Variants in PDE3A observed in about 807,000 individuals in gnomAD.
The protein encoded by PDE3A is phosphodiesterase 3A, also known as cGMP-inhibited 3',5'-cyclic phosphodiesterase 3A.
In PDE3A, 43 loss-of-function variants were observed where a neutral mutation model predicts 98.3. That is an observed-to-expected ratio of 0.44 (90% CI 0.34 to 0.56). The LOEUF (loss-of-function observed/expected upper bound fraction) is 0.56, where lower values mean the gene tolerates loss of function less well. Among genes scored for constraint, PDE3A ranks in the 20% least tolerant of loss-of-function variants. PDE3A has a pLI of 0.01. For missense variants in PDE3A, 1,427 were observed against 1,440.7 expected, an observed-to-expected ratio of 0.99 and a Z score of 0.15; for synonymous variants, 663 against 567.9, an observed-to-expected ratio of 1.17 and a Z score of -2.38.
intron 1 of PDE3A, among the ~76,000 whole-genome samples, chr12:20,401,660 T>G (rs1436894788): frequency 6.6e-6 from 1 of 152,204 alleles, no homozygotes; most frequent in East Asian, 1.9e-4. Flanking sequence ...CGATGTGTTT[T>G]CTGATCATCC....
Position 20,680,105 on chromosome 12 carries a change from A to G in PDE3A, c.3260A>G (p.Lys1087Arg), listed in dbSNP as rs1945738142. 6.2e-7 allele frequency: 1 copy of G among 1,613,190 alleles called. No individual in the cohort carries two copies. The highest frequency in any genetic ancestry group is 1.1e-5 in the South Asian group (1 of 91,072). ...QHLLQNHKMW[K>R]KVIEEEQRLA... Reference sequence around the variant, plus strand: ...CTCTTACAGAACCACAAGATGTGGAAGAAAGTCATTGAAGAGGAGCAACGG... The same window carrying G: ...CTCTTACAGAACCACAAGATGTGGAGGAAAGTCATTGAAGAGGAGCAACGG... The change falls in exon 16 of 16, where the codon AAG becomes AGG. Residue 1087 changes from lysine (K) to arginine (R), a missense_variant. Around this residue, in one of 3 missense-constraint regions of PDE3A, gnomAD observed 142 missense variants for 133.9 expected, o/e 1.06. Coordinates refer to ENST00000359062, the MANE Select transcript of PDE3A (RefSeq NM_000921.5).
intron 1 of PDE3A, among the ~76,000 whole-genome samples, chr12:20,500,037 T>C (rs569476256): frequency 6.6e-6 from 1 of 152,304 alleles, no homozygotes; most frequent in African/African-American, 2.4e-5. Context: ...CTACACTGTA[T>C]CTCCTTCACT....
intron 2 of PDE3A, among the ~76,000 whole-genome samples, chr12:20,583,579 C>T (rs185475771): frequency 1.3e-5 from 2 of 152,144 alleles, no homozygotes; most frequent in Non-Finnish European, 2.9e-5. Flanking sequence ...GATGGGAGAC[C>T]TTGGGCAACT....
chr12:20,610,403 T>A (rs535030493), intron 2 of PDE3A, among the ~76,000 whole-genome samples: 40 of 152,076 alleles, frequency 2.6e-4, no homozygotes, highest in Middle Eastern at 3.4e-3. Flanking sequence ...ATAACAAATG[T>A]TGGCAAGGGT....
At position 20,487,391 on chromosome 12, in the gene PDE3A, C is replaced by T. The variant is rs113846305; in HGVS notation, c.961-69269C>T. On this transcript the variant is annotated intron_variant, in intron 1 of 15. Coordinates refer to ENST00000359062, the MANE Select transcript of PDE3A (RefSeq NM_000921.5). ...ACAAAAAGGTGCATAAGGCTGGACACGGTGGCTCATGCCTGTAATCCCAGC... is the reference window on the plus strand; with the variant it reads ...ACAAAAAGGTGCATAAGGCTGGACATGGTGGCTCATGCCTGTAATCCCAGC... 3.5e-3 allele frequency among the ~76,000 whole-genome samples: 522 copies of T among 147,350 alleles called. 5 individuals are homozygous for T. The highest frequency in any genetic ancestry group is 0.012 in the African/African-American group (468 of 40,180).
At chr12:20,428,310 C>T (rs1175811166) in intron 1 of PDE3A, among the ~76,000 whole-genome samples, 2 of 152,138 alleles carry the variant, frequency 1.3e-5, no homozygotes, top group East Asian at 1.9e-4. Context: ...GACGGAGTCT[C>T]GCTCTGTCGC....
At chr12:20,633,379 GTAT>G (rs1565456771) in intron 6 of PDE3A, among the ~76,000 whole-genome samples, 1 of 152,108 alleles carries the variant, frequency 6.6e-6, no homozygotes, top group East Asian at 1.9e-4. Context: ...GCCTATACCA[GTAT>G]TCTCTAAATA....
At chr12:20,487,501 TA>T (rs34671800) in intron 1 of PDE3A, among the ~76,000 whole-genome samples, 26,862 of 60,104 alleles carry the variant, frequency 0.45, 4,403 homozygotes, top group Admixed American at 0.56. Flanking sequence ...CTGTCTCTAC[TA>T]AAAAAAAAAA....
chr12:20,439,096 A>G (rs1172441749), intron 1 of PDE3A, among the ~76,000 whole-genome samples: 2 of 152,152 alleles, frequency 1.3e-5, no homozygotes, highest in Non-Finnish European at 1.5e-5. Flanking sequence ...TGCCTGACCA[A>G]TATGTTCCAT....
chr12:20,394,906 T>A (rs983884618), intron 1 of PDE3A, among the ~76,000 whole-genome samples: 1 of 152,022 alleles, frequency 6.6e-6, no homozygotes, highest in Non-Finnish European at 1.5e-5. Flanking sequence ...CAACTCCCTA[T>A]AAGAAAGAAT....
chr12:20,615,004 CTT>C (rs1366799769), intron 3 of PDE3A, among the ~76,000 whole-genome samples: 10 of 109,440 alleles, frequency 9.1e-5, no homozygotes, highest in African/African-American at 3.3e-4. Context: ...TTTTTTCTTT[CTT>C]TCTCTCTTTC....
chr12:20,608,465 T>A (rs1443804846), intron 2 of PDE3A, among the ~76,000 whole-genome samples: 1 of 152,154 alleles, frequency 6.6e-6, no homozygotes, highest in African/African-American at 2.4e-5. Context: ...GCTTGAATGT[T>A]GCTTTTGTTT....
chr12:20,463,156 G>T (rs751529483), intron 1 of PDE3A, among the ~76,000 whole-genome samples: 2 of 152,134 alleles, frequency 1.3e-5, no homozygotes, highest in Non-Finnish European at 2.9e-5. Context: ...GGAATAAGAA[G>T]AGTAGCTATT....
chr12:20,429,863 T>G (rs1195450576), intron 1 of PDE3A, among the ~76,000 whole-genome samples: 1 of 152,188 alleles, frequency 6.6e-6, no homozygotes, highest in Non-Finnish European at 1.5e-5. Context: ...ACACTGATTT[T>G]TTTTTTTATG....
intron 1 of PDE3A, among the ~76,000 whole-genome samples, chr12:20,522,308 G>A (rs1331556121): frequency 6.6e-6 from 1 of 152,176 alleles, no homozygotes; most frequent in Non-Finnish European, 1.5e-5. Flanking sequence ...TAGTATCAGT[G>A]TGCTGGGAAT....
chr12:20,518,407 GA>G lies in PDE3A; in HGVS notation c.961-38243del, dbSNP rs764517221. 7.1e-3 allele frequency among the ~76,000 whole-genome samples: 1,034 copies of G among 145,200 alleles called. 18 individuals are homozygous for G. Among genetic ancestry groups the G allele is most frequent in the African/African-American group, 0.024 (954 of 39,710 alleles). ...AGCTTCAAAGATATTTAATAATGGA[GA>G]AAAAAAAAAGATTCATTTGGGAGAA... is the stretch of plus-strand genomic sequence containing the variant. On this transcript the variant is annotated intron_variant, in intron 1 of 15. Coordinates refer to ENST00000359062, the MANE Select transcript of PDE3A (RefSeq NM_000921.5).
chr12:20,667,395 T>C (rs1945342690), intron 15 of PDE3A, among the ~76,000 whole-genome samples: 1 of 152,196 alleles, frequency 6.6e-6, no homozygotes, highest in Admixed American at 6.5e-5. Flanking sequence ...CTTCTAACAG[T>C]TTTATAGTTT....
chr12:20,488,405 T>C (rs897953598), intron 1 of PDE3A, among the ~76,000 whole-genome samples: 1 of 152,212 alleles, frequency 6.6e-6, no homozygotes, highest in Admixed American at 6.5e-5. Context: ...TAATTACAGA[T>C]CTTTGTTAAA....
Position 20,682,995 on chromosome 12 carries a change from G to GT in PDE3A, c.*2728dup, listed in dbSNP as rs1945836529. On this transcript the variant is annotated 3_prime_UTR_variant, in exon 16 of 16. Coordinates refer to ENST00000359062, the MANE Select transcript of PDE3A (RefSeq NM_000921.5). ...CTGCCTGGTTTTGTTTGTTTGTTTT[G>GT]TTTTAAGGTACAGGAAATAAGAGGA... The GT allele has an allele frequency of 6.6e-6, 1 of 152,124 alleles. No individual in the cohort carries two copies. The highest frequency in any genetic ancestry group is 2.4e-5 in the African/African-American group (1 of 41,434). 9.4% of individuals were successfully genotyped at this position (152,124 alleles called of 1,614,324 possible). A position where few individuals can be genotyped will look rare whatever the true frequency, so the allele number is the denominator to read the frequency against.
Sources: allele counts gnomAD v4.1 joint callset (sites outside exome capture counted in the v4.1 genomes callset), GRCh38; gene constraint gnomAD v4.1.1; regional missense constraint gnomAD v4.1.1; transcripts MANE v1.5; gene names NCBI Gene and HGNC (gene_info 2026-07-23, HGNC 2026-07-21).